The following IMMP2L variants were observed in gnomAD, a reference collection of about 807,000 sequenced individuals.
IMMP2L encodes the protein inner mitochondrial membrane peptidase subunit 2.
Under a neutral mutation model 19.3 loss-of-function variants are expected in IMMP2L, and 18 were observed. The observed-to-expected ratio is 0.93, with a 90% CI of 0.64 to 1.38. IMMP2L has a LOEUF of 1.38. Among genes scored for constraint, IMMP2L ranks in the 40% most tolerant of loss-of-function variants. The probability of loss-of-function intolerance (pLI) is 0.00; values close to 1 mark genes in which losing one functional copy is unlikely to be tolerated. For missense variants in IMMP2L, 233 were observed against 218.2 expected (o/e 1.07, Z -0.43); for synonymous variants, 76 against 73.0 (o/e 1.04, Z -0.21).
chr7:111,056,565 T>G (rs1352015369), intron 3 of IMMP2L, among the ~76,000 whole-genome samples: 1 of 152,166 alleles, frequency 6.6e-6, no homozygotes, highest in Non-Finnish European at 1.5e-5. Context: ...AGGGTTAGAG[T>G]TGCTGACTCT....
chr7:111,312,252 C>T (rs1823602330), intron 3 of IMMP2L, among the ~76,000 whole-genome samples: 1 of 152,134 alleles, frequency 6.6e-6, no homozygotes, highest in Non-Finnish European at 1.5e-5. Context: ...ATAGAGGAAA[C>T]TGGAGTTCAA....
intron 5 of IMMP2L, among the ~76,000 whole-genome samples, chr7:110,812,409 G>A (rs907555098): frequency 1.3e-5 from 2 of 152,020 alleles, no homozygotes; most frequent in Non-Finnish European, 2.9e-5. Flanking sequence ...CAGTGATAAA[G>A]GGGGAGAAAG....
At chr7:110,695,122 T>C (rs1157029177) in intron 5 of IMMP2L, among the ~76,000 whole-genome samples, 1 of 152,104 alleles carries the variant, frequency 6.6e-6, no homozygotes, top group Non-Finnish European at 1.5e-5. Context: ...AATGAAAATA[T>C]TTTGGAAGTA....
intron 4 of IMMP2L, among the ~76,000 whole-genome samples, chr7:110,904,026 T>G (rs762265869): frequency 1.3e-5 from 2 of 152,128 alleles, no homozygotes; most frequent in Non-Finnish European, 2.9e-5. Flanking sequence ...ATGTCTACTT[T>G]GGAGAAACAT....
intron 3 of IMMP2L, among the ~76,000 whole-genome samples, chr7:110,987,166 A>C (rs1821949332): frequency 6.6e-6 from 1 of 152,212 alleles, no homozygotes; most frequent in African/African-American, 2.4e-5. Flanking sequence ...TCAAGAAAGA[A>C]GCAGGTTGAA....
chr7:111,016,839 TTA>T (rs1366770835), intron 3 of IMMP2L, among the ~76,000 whole-genome samples: 1 of 69,558 alleles, frequency 1.4e-5, no homozygotes, highest in Non-Finnish European at 2.6e-5. Context: ...ATAGTATATA[TTA>T]TATATAATAT....
intron 3 of IMMP2L, among the ~76,000 whole-genome samples, chr7:110,980,440 T>C (rs1821176946): frequency 6.6e-6 from 1 of 151,682 alleles, no homozygotes; most frequent in Non-Finnish European, 1.5e-5. Flanking sequence ...GTGGTCTCGA[T>C]CTCCTGACCT....
intron 1 of IMMP2L, among the ~76,000 whole-genome samples, chr7:111,556,018 G>GTATATA (rs1554550149): frequency 0.039 from 3,540 of 91,358 alleles, 440 homozygotes; most frequent in South Asian, 0.095. Context: ...CTGTGTGCAT[G>GTATATA]TATATATATA....
intron 2 of IMMP2L, among the ~76,000 whole-genome samples, chr7:111,506,148 G>C (rs1247075322): frequency 3.3e-5 from 5 of 150,992 alleles, no homozygotes; most frequent in African/African-American, 1.2e-4. Flanking sequence ...GAGGCTGATT[G>C]CACCAATGCA....
chr7:111,451,649 A>C (rs1839199824), intron 3 of IMMP2L, among the ~76,000 whole-genome samples: 1 of 150,986 alleles, frequency 6.6e-6, no homozygotes, highest in African/African-American at 2.4e-5. Flanking sequence ...CCAGCATGGC[A>C]CATGTATACA....
chr7:111,468,244 T>C (rs1478912974), intron 3 of IMMP2L, among the ~76,000 whole-genome samples: 1 of 152,110 alleles, frequency 6.6e-6, no homozygotes, highest in Non-Finnish European at 1.5e-5. Flanking sequence ...TATGTGTAAA[T>C]AAAACATACA....
chr7:111,536,689 A>C (rs1419527707), intron 1 of IMMP2L, among the ~76,000 whole-genome samples: 1 of 152,094 alleles, frequency 6.6e-6, no homozygotes, highest in East Asian at 1.9e-4. Flanking sequence ...ACATATAAAA[A>C]ATTTTTTTCA....
intron 4 of IMMP2L, among the ~76,000 whole-genome samples, chr7:110,925,738 C>T (rs1243032734): frequency 2.6e-5 from 4 of 152,026 alleles, no homozygotes; most frequent in Admixed American, 6.6e-5. Flanking sequence ...GTAGACTGCT[C>T]ATGTGTACAC....
At chr7:111,187,990 G>A (rs1018634455) in intron 3 of IMMP2L, among the ~76,000 whole-genome samples, 2 of 152,024 alleles carry the variant, frequency 1.3e-5, no homozygotes, top group African/African-American at 4.8e-5. Context: ...CATGGGGATA[G>A]AGAAGTCCAA....
chr7:111,462,661 T>C (rs1453781703), intron 3 of IMMP2L, among the ~76,000 whole-genome samples: 2 of 152,104 alleles, frequency 1.3e-5, no homozygotes, highest in East Asian at 1.9e-4. Context: ...ATAGAGCTTT[T>C]CTTAACTAGA....
At chr7:111,097,975 G>T (rs1331500365) in intron 3 of IMMP2L, among the ~76,000 whole-genome samples, 1 of 151,818 alleles carries the variant, frequency 6.6e-6, no homozygotes, top group African/African-American at 2.4e-5. Context: ...AGCGAAAAGA[G>T]AATTGTGTCT....
At chr7:111,309,748 G>A (rs1823297490) in intron 3 of IMMP2L, among the ~76,000 whole-genome samples, 1 of 152,024 alleles carries the variant, frequency 6.6e-6, no homozygotes, top group Non-Finnish European at 1.5e-5. Flanking sequence ...GTGACCGACA[G>A]AAATAATATA....
At chr7:111,537,312 AC>A (rs1847971226) in intron 1 of IMMP2L, among the ~76,000 whole-genome samples, 1 of 152,146 alleles carries the variant, frequency 6.6e-6, no homozygotes, top group South Asian at 2.1e-4. Flanking sequence ...TGGTTCTTCT[AC>A]TTTCAGAGAA....
intron 3 of IMMP2L, among the ~76,000 whole-genome samples, chr7:111,410,518 T>TG (rs1424106803): frequency 6.7e-6 from 1 of 149,522 alleles, no homozygotes; most frequent in Non-Finnish European, 1.5e-5. Context: ...TGCCTAACAG[T>TG]GAAAAAAAAA....
Sources: allele counts gnomAD v4.1 joint callset (sites outside exome capture counted in the v4.1 genomes callset), GRCh38; gene constraint gnomAD v4.1.1; transcripts MANE v1.5; gene names NCBI Gene and HGNC (gene_info 2026-07-23, HGNC 2026-07-21).